Variants in EXOC4 observed in about 807,000 individuals in gnomAD.
EXOC4 encodes SEC8-like 1.
A neutral mutation model predicts 107.2 loss-of-function variants in EXOC4; 71 were observed. The observed-to-expected ratio is 0.66, with a 90% confidence interval of 0.55 to 0.81. The LOEUF is 0.81. Among genes scored for constraint, EXOC4 ranks in the 30% least tolerant of loss-of-function variants. The pLI is 0.00. For synonymous variants in EXOC4, 456 were observed against 441.2 expected (o/e 1.03, Z -0.42); for missense variants, 1,108 against 1,189.6 (o/e 0.93, Z 1.01).
chr7:133,474,805 A>T (rs1798969661), intron 7 of EXOC4, among the ~76,000 whole-genome samples: 1 of 152,126 alleles, frequency 6.6e-6, no homozygotes, highest in Non-Finnish European at 1.5e-5. Context: ...ACTCCCTAGT[A>T]CACTAGGGAT....
chr7:133,637,007 C>T (rs1291342235), intron 10 of EXOC4, among the ~76,000 whole-genome samples: 1 of 152,082 alleles, frequency 6.6e-6, no homozygotes, highest in Non-Finnish European at 1.5e-5. Context: ...TAGAAATCGC[C>T]ATATTGCAGC....
At chr7:134,064,198 T>G in intron 17 of EXOC4, 93 bp from the exon 18 acceptor site, 1 of 748,030 alleles carries the variant, frequency 1.3e-6, no homozygotes, top group Non-Finnish European at 2.1e-6. Context: ...ATGAAGTAAG[T>G]AGAGGAATCA....
At chr7:134,069,457 T>TCTCCTTCCTCCTC (rs1796242675), downstream of EXOC4, among the ~76,000 whole-genome samples, 1 of 149,646 alleles carries the variant, frequency 6.7e-6, no homozygotes, top group Admixed American at 6.7e-5. Flanking sequence ...TCCTCCTCCT[T>TCTCCTTCCTCCTC]CTCCTTCCTC....
rs55674781 is a variant in EXOC4, at chr7:133,495,487, C to A, written c.1417+15349C>A. Among the ~76,000 whole-genome samples, 307 of 152,196 alleles carry A rather than the reference C, an allele frequency of 2.0e-3. No homozygotes were observed. The Middle Eastern group carries it at 0.031, about 15-fold the overall frequency. ...ATATGTATTCCCATATAACTACCAC[C>A]CAGAAGATTTCCTATGCTTCTTAAC... On this transcript the variant is annotated intron_variant, in intron 9 of 17. Transcript: ENST00000253861.
intron 9 of EXOC4, among the ~76,000 whole-genome samples, chr7:133,560,532 C>T (rs1374797206): frequency 1.3e-5 from 2 of 152,150 alleles, no homozygotes; most frequent in African/African-American, 4.8e-5. Flanking sequence ...GATTCTCCCG[C>T]CTTGGCCTCC....
intron 14 of EXOC4, among the ~76,000 whole-genome samples, chr7:133,992,351 C>T (rs1320499276): frequency 5.3e-5 from 8 of 152,198 alleles, no homozygotes; most frequent in Non-Finnish European, 8.8e-5. Context: ...GATGCAATCT[C>T]AGCTCACTGC....
At position 133,970,393 on chromosome 7, in the gene EXOC4, G is replaced by GA. The variant is rs1271672110; in HGVS notation, c.2207-27089dup. ...GGCATTCCAGGCACCACTGTGGTATGAAAAAAAAAATCCTGTAGCTAGCTC... is the reference window on the plus strand; with the variant it reads ...GGCATTCCAGGCACCACTGTGGTATGAAAAAAAAAAATCCTGTAGCTAGCTC... On this transcript the variant is annotated intron_variant, in intron 14 of 17. Coordinates refer to ENST00000253861, the MANE Select transcript of EXOC4 (RefSeq NM_021807.4). Among the ~76,000 whole-genome samples, 574 of 150,212 alleles carry GA rather than the reference G, an allele frequency of 3.8e-3. 5 individuals carry two copies. Among genetic ancestry groups the GA allele is most frequent in the African/African-American group, 0.013 (528 of 41,022 alleles).
intron 7 of EXOC4, among the ~76,000 whole-genome samples, chr7:133,456,857 G>A (rs1420280129): frequency 1.3e-5 from 2 of 152,124 alleles, no homozygotes; most frequent in African/African-American, 2.4e-5. Flanking sequence ...TACAGGAATA[G>A]GCCATAGAAT....
At chr7:133,295,616 T>C (rs189567186) in intron 3 of EXOC4, among the ~76,000 whole-genome samples, 1 of 152,286 alleles carries the variant, frequency 6.6e-6, no homozygotes, top group Non-Finnish European at 1.5e-5. Context: ...AGCTGTTGTT[T>C]CTGTGAGTGC....
chr7:133,821,930 G>A (rs1797531420), intron 11 of EXOC4, among the ~76,000 whole-genome samples: 1 of 152,204 alleles, frequency 6.6e-6, no homozygotes, highest in South Asian at 2.1e-4. Flanking sequence ...GGACATGGCT[G>A]TGTTTTCTGC....
chr7:134,008,525 T>A (rs1231023646), intron 17 of EXOC4, among the ~76,000 whole-genome samples: 1 of 152,208 alleles, frequency 6.6e-6, no homozygotes, highest in Non-Finnish European at 1.5e-5. Flanking sequence ...ACTGTATTTT[T>A]ACAGGAACCT....
chr7:134,042,199 GT>G (rs377315804), intron 17 of EXOC4, among the ~76,000 whole-genome samples: 1 of 152,088 alleles, frequency 6.6e-6, no homozygotes, highest in African/African-American at 2.4e-5. Context: ...GCGACTTTAA[GT>G]AATCATTTTG....
intron 9 of EXOC4, among the ~76,000 whole-genome samples, chr7:133,485,096 AAT>A (rs1320663775): frequency 2.5e-4 from 36 of 145,304 alleles, no homozygotes; most frequent in South Asian, 1.7e-3. Flanking sequence ...TAAATAAATA[AAT>A]AAATAAATAA....
intron 9 of EXOC4, among the ~76,000 whole-genome samples, chr7:133,544,855 C>T (rs1404975398): frequency 1.4e-5 from 2 of 147,294 alleles, no homozygotes; most frequent in African/African-American, 2.5e-5. Flanking sequence ...TTCCCCTGGT[C>T]ACTGTTTTTC....
intron 11 of EXOC4, among the ~76,000 whole-genome samples, chr7:133,889,156 A>G (rs934892347): frequency 6.6e-6 from 1 of 152,176 alleles, no homozygotes; most frequent in Non-Finnish European, 1.5e-5. Context: ...ATAGGTCCCT[A>G]ATCTCAAAAA....
At chr7:133,478,711 G>A (rs1199057376) in intron 8 of EXOC4, among the ~76,000 whole-genome samples, 1 of 152,108 alleles carries the variant, frequency 6.6e-6, no homozygotes, top group Non-Finnish European at 1.5e-5. Context: ...AATTAAGTCT[G>A]TTTAAGTCCT....
At chr7:133,447,367 C>T (rs1033483856) in intron 7 of EXOC4, 2 of 152,002 alleles carry the variant, frequency 1.3e-5, no homozygotes, top group African/African-American at 2.4e-5. Context: ...TAGAGTCTAC[C>T]AGGCAAGTGC....
At chr7:133,592,900 C>G (rs1395110214) in intron 9 of EXOC4, among the ~76,000 whole-genome samples, 2 of 152,162 alleles carry the variant, frequency 1.3e-5, no homozygotes, top group African/African-American at 4.8e-5. Flanking sequence ...TGCGCTTGGC[C>G]CATGCCCAGC....
chr7:133,935,364 G>A (rs1363039646), intron 13 of EXOC4, among the ~76,000 whole-genome samples: 1 of 152,124 alleles, frequency 6.6e-6, no homozygotes, highest in African/African-American at 2.4e-5. Flanking sequence ...AAAACTTGGT[G>A]GGGTTTTTTG....
Sources: allele counts gnomAD v4.1 joint callset (sites outside exome capture counted in the v4.1 genomes callset), GRCh38; gene constraint gnomAD v4.1.1; transcripts MANE v1.5; gene names NCBI Gene and HGNC (gene_info 2026-07-23, HGNC 2026-07-21).